CAST: variants seen among roughly 807,000 people sequenced by gnomAD.
CAST encodes the protein MIR583 host.
A neutral mutation model predicts 119.6 loss-of-function variants in CAST; 76 were observed. The observed-to-expected ratio is 0.64, with a 90% CI of 0.53 to 0.77. CAST has a LOEUF of 0.77. Ranked by LOEUF, CAST falls within the 30% of genes least tolerant of loss-of-function variation. The probability of loss-of-function intolerance (pLI) is 0.00; values close to 1 mark genes in which losing one functional copy is unlikely to be tolerated. For synonymous variants in CAST, 319 were observed against 331.6 expected, an observed-to-expected ratio of 0.96 and a Z score of 0.41; for missense variants, 953 against 946.5, an observed-to-expected ratio of 1.01 and a Z score of -0.09.
the CAST span, among the ~76,000 whole-genome samples, chr5:96,173,632 G>A: frequency 1.0e-3 from 153 of 152,098 alleles, no homozygotes; most frequent in Non-Finnish European, 1.9e-3. Context: ...ATTATATCGA[G>A]GTTTTCTTAT....
At chr5:96,021,591 G>A in the CAST span, among the ~76,000 whole-genome samples, 31 of 152,030 alleles carry the variant, frequency 2.0e-4, no homozygotes, top group African/African-American at 5.1e-4. Flanking sequence ...GACTACAGGC[G>A]CCCGCCACCA....
At chr5:96,008,192 T>A in the CAST span, among the ~76,000 whole-genome samples, 1 of 152,224 alleles carries the variant, frequency 6.6e-6, no homozygotes, top group African/African-American at 2.4e-5. Context: ...CTTCTCCAAC[T>A]TCTCCAGTTT....
the CAST span, among the ~76,000 whole-genome samples, chr5:96,387,539 A>G: frequency 8.0e-6 from 1 of 124,604 alleles, no homozygotes; most frequent in African/African-American, 3.5e-5. Flanking sequence ...CTTTATTATT[A>G]CAAATCTCTC....
intron 21 of CAST, among the ~76,000 whole-genome samples, 180 bp from the exon 22 acceptor site, chr5:96,754,478 A>G (rs1490827345): frequency 6.6e-6 from 1 of 152,216 alleles, no homozygotes; most frequent in African/African-American, 2.4e-5. Context: ...GCATCCCAGC[A>G]GGCTTTCTGC....
chr5:96,307,670 T>G, the CAST span, among the ~76,000 whole-genome samples: 1 of 152,178 alleles, frequency 6.6e-6, no homozygotes, highest in Admixed American at 6.5e-5. Context: ...CTCCCAGCAT[T>G]TACTTGTCCA....
chr5:96,712,507 T>G (rs1756371628), intron 3 of CAST, among the ~76,000 whole-genome samples: 1 of 152,138 alleles, frequency 6.6e-6, no homozygotes, highest in Non-Finnish European at 1.5e-5. Context: ...ATTTGATTCT[T>G]TTGTAGAGAT....
At chr5:96,279,715 A>G in the CAST span, among the ~76,000 whole-genome samples, 1 of 152,208 alleles carries the variant, frequency 6.6e-6, no homozygotes, top group Non-Finnish European at 1.5e-5. Flanking sequence ...CTTGCATTAT[A>G]TTTTGAGTAA....
At chr5:96,395,790 TAAAA>T in the CAST span, among the ~76,000 whole-genome samples, 1 of 151,372 alleles carries the variant, frequency 6.6e-6, no homozygotes. Flanking sequence ...TAAAGTATAA[TAAAA>T]AACTAAATAA....
At chr5:96,361,689 G>A in the CAST span, among the ~76,000 whole-genome samples, 1 of 151,148 alleles carries the variant, frequency 6.6e-6, no homozygotes, top group Non-Finnish European at 1.5e-5. Flanking sequence ...CTATTGAGGT[G>A]ACCCAGGTAC....
At chr5:96,565,832 A>G (rs1242077258) in intron 1 of CAST, among the ~76,000 whole-genome samples, 1 of 152,196 alleles carries the variant, frequency 6.6e-6, no homozygotes, top group Non-Finnish European at 1.5e-5. Flanking sequence ...ATCAACCTAG[A>G]AATCCTATAT....
intron 4 of CAST, among the ~76,000 whole-genome samples, chr5:96,725,842 T>C (rs1561528606): frequency 6.6e-6 from 1 of 152,180 alleles, no homozygotes; most frequent in Non-Finnish European, 1.5e-5. Context: ...AAAGGATAGT[T>C]CCATAAATAG....
At chr5:96,419,660 T>G in the CAST span, among the ~76,000 whole-genome samples, 1 of 151,890 alleles carries the variant, frequency 6.6e-6, no homozygotes, top group African/African-American at 2.4e-5. Context: ...GTGTGGAAGA[T>G]TCACAGCAGG....
chr5:96,655,200 C>T (rs1196293039), intron 1 of CAST, among the ~76,000 whole-genome samples: 2 of 152,164 alleles, frequency 1.3e-5, no homozygotes, highest in Admixed American at 1.3e-4. Context: ...GGTGGGTAAA[C>T]ATGTCCTGCT....
At chr5:96,533,447 C>A (rs1254264104) in intron 1 of CAST, among the ~76,000 whole-genome samples, 2 of 152,108 alleles carry the variant, frequency 1.3e-5, no homozygotes, top group Admixed American at 6.6e-5. Flanking sequence ...TGGAGAACAC[C>A]AATAACTTTT....
At chr5:95,978,042 T>C in the CAST span, among the ~76,000 whole-genome samples, 1 of 152,152 alleles carries the variant, frequency 6.6e-6, no homozygotes, top group African/African-American at 2.4e-5. Flanking sequence ...CTTTATCCAG[T>C]CTACCACTGA....
intron 19 of CAST, among the ~76,000 whole-genome samples, chr5:96,749,937 C>G (rs1207377434): frequency 6.6e-6 from 1 of 152,054 alleles, no homozygotes; most frequent in Non-Finnish European, 1.5e-5. Context: ...TTTTTTTAAA[C>G]ACAGGCTGCT....
intron 1 of CAST, among the ~76,000 whole-genome samples, chr5:96,595,730 A>C (rs1330346347): frequency 6.6e-6 from 1 of 152,254 alleles, no homozygotes; most frequent in African/African-American, 2.4e-5. Flanking sequence ...AGAAGAACAT[A>C]GAGAAAATAT....
the CAST span, among the ~76,000 whole-genome samples, chr5:96,170,369 C>A: frequency 6.6e-6 from 1 of 152,186 alleles, no homozygotes; most frequent in Non-Finnish European, 1.5e-5. Context: ...TCTGGAGGAA[C>A]CCCTGGCAGC....
At chr5:96,328,361 C>A in the CAST span, among the ~76,000 whole-genome samples, 3 of 143,218 alleles carry the variant, frequency 2.1e-5, no homozygotes, top group South Asian at 4.5e-4. Context: ...TTGCTTTTTT[C>A]TCTGTCTTTC....
Sources: allele counts gnomAD v4.1 joint callset (sites outside exome capture counted in the v4.1 genomes callset), GRCh38; gene constraint gnomAD v4.1.1; transcripts MANE v1.5; gene names NCBI Gene and HGNC (gene_info 2026-07-23, HGNC 2026-07-21).